Variants in PIGL observed in about 807,000 individuals in gnomAD.
The protein encoded by PIGL is phosphatidylinositol glycan anchor biosynthesis class L, also known as N-acetylglucosaminyl-phosphatidylinositol de-N-acetylase.
In PIGL, 22 loss-of-function variants were observed where a neutral mutation model predicts 31.1. The ratio of observed to expected loss-of-function variants is 0.71; its 90% confidence interval spans 0.51 to 1.01. The LOEUF (loss-of-function observed/expected upper bound fraction) is 1.01. Among genes scored for constraint, PIGL ranks in the 50% least tolerant of loss-of-function variants. The pLI, the probability that PIGL is intolerant of heterozygous loss-of-function variation, is 0.00. For synonymous variants in PIGL, 131 were observed against 117.4 expected, an observed-to-expected ratio of 1.12 and a Z score of -0.75; for missense variants, 302 against 315.9, an observed-to-expected ratio of 0.96 and a Z score of 0.33.
intron 2 of PIGL, among the ~76,000 whole-genome samples, chr17:16,247,245 G>A (rs1325291703): frequency 6.6e-6 from 1 of 152,096 alleles, no homozygotes; most frequent in Non-Finnish European, 1.5e-5. Flanking sequence ...TGAATTTGTT[G>A]AGGACACTAT....
intron 1 of PIGL, among the ~76,000 whole-genome samples, chr17:16,232,768 TAAAAAA>T (rs34414046): frequency 6.9e-6 from 1 of 144,326 alleles, no homozygotes; most frequent in Non-Finnish European, 1.5e-5. Flanking sequence ...GTTTATGACT[TAAAAAA>T]AAAAAACGCA....
chr17:16,244,582 G>A (rs1299798701), intron 2 of PIGL, among the ~76,000 whole-genome samples: 1 of 152,208 alleles, frequency 6.6e-6, no homozygotes, highest in Non-Finnish European at 1.5e-5. Flanking sequence ...CTGATAGAAA[G>A]CAATGTGCAT....
At chr17:16,321,733 C>T (rs975714945) in intron 6 of PIGL, among the ~76,000 whole-genome samples, 1 of 151,824 alleles carries the variant, frequency 6.6e-6, no homozygotes, top group Non-Finnish European at 1.5e-5. Context: ...TTCCTCCCTC[C>T]CTCCCTCTTT....
intron 2 of PIGL, among the ~76,000 whole-genome samples, chr17:16,282,504 T>G (rs115393928): frequency 6.6e-4 from 101 of 152,252 alleles, no homozygotes; most frequent in African/African-American, 2.3e-3. Flanking sequence ...GACAAAGGAA[T>G]CATTTTACCT....
intron 1 of PIGL, among the ~76,000 whole-genome samples, chr17:16,229,286 C>A (rs1165811708): frequency 5.3e-5 from 8 of 151,384 alleles, no homozygotes; most frequent in Non-Finnish European, 1.2e-4. Context: ...CAAAAAAAAA[C>A]TTCATTTCTT....
At chr17:16,244,805 G>A (rs2092737531) in intron 2 of PIGL, among the ~76,000 whole-genome samples, 1 of 152,022 alleles carries the variant, frequency 6.6e-6, no homozygotes, top group South Asian at 2.1e-4. Flanking sequence ...CTCCCGAGTA[G>A]CTGGGACTAC....
chr17:16,221,861 C>T (rs767531258), intron 1 of PIGL, among the ~76,000 whole-genome samples: 69 of 152,152 alleles, frequency 4.5e-4, no homozygotes, highest in Non-Finnish European at 8.7e-4. Context: ...CCTCGTGATT[C>T]GCCCACCTCG....
intron 1 of PIGL, among the ~76,000 whole-genome samples, chr17:16,228,030 CAAG>C (rs1426755589): frequency 6.7e-6 from 1 of 149,924 alleles, no homozygotes; most frequent in Non-Finnish European, 1.5e-5. Context: ...ACATACATAA[CAAG>C]AACTTACCAT....
rs573212959 is a variant in PIGL, at chr17:16,292,370, C to A, written c.336-7518C>A. 3.3e-5 allele frequency among the ~76,000 whole-genome samples: 5 copies of A among 149,302 alleles called. No homozygotes were observed. In the East Asian group the frequency reaches 1.0e-3, roughly 31 times the overall value. ...GTACTTATTAGTTTTTCGTTTCAGC[C>A]TATAAAATGTACAAATCTTTCTCTT... On this transcript the variant is annotated intron_variant, in intron 2 of 6. Coordinates refer to ENST00000225609, the MANE Select transcript of PIGL (RefSeq NM_004278.4).
chr17:16,266,583 G>T (rs1006447839), intron 2 of PIGL, among the ~76,000 whole-genome samples: 1 of 151,476 alleles, frequency 6.6e-6, no homozygotes, highest in African/African-American at 2.4e-5. Context: ...AAGTGGAGCT[G>T]CTCAACAGAT....
At chr17:16,265,558 T>C (rs1367476434) in intron 2 of PIGL, among the ~76,000 whole-genome samples, 1 of 151,804 alleles carries the variant, frequency 6.6e-6, no homozygotes, top group African/African-American at 2.4e-5. Context: ...CTGGCCAACA[T>C]AGTGAAACCC....
At chr17:16,235,496 G>A (rs2092695958) in intron 2 of PIGL, among the ~76,000 whole-genome samples, 1 of 141,946 alleles carries the variant, frequency 7.0e-6, no homozygotes, top group African/African-American at 2.7e-5. Context: ...GCCCAGCCTG[G>A]AGTGCAGTGG....
At chr17:16,302,439 T>G (rs1336577361) in intron 3 of PIGL, among the ~76,000 whole-genome samples, 2 of 152,102 alleles carry the variant, frequency 1.3e-5, no homozygotes, top group African/African-American at 2.4e-5. Context: ...AGAGCTGAGG[T>G]TGGAGGTTGT....
At chr17:16,258,824 A>G (rs2092808060) in intron 2 of PIGL, among the ~76,000 whole-genome samples, 1 of 152,150 alleles carries the variant, frequency 6.6e-6, no homozygotes, top group African/African-American at 2.4e-5. Context: ...TTTTTTATTA[A>G]CCAAAATGAA....
chr17:16,315,683 CT>C (rs2093072350), intron 4 of PIGL, among the ~76,000 whole-genome samples: 1 of 117,112 alleles, frequency 8.5e-6, no homozygotes, highest in East Asian at 2.4e-4. Context: ...TCAGTCTTTT[CT>C]TTTCTTTCTT....
rs146258571 is a variant in PIGL, at chr17:16,243,119, T to G, written c.335+9049T>G. ...AGGCTGGAATGCAGTGGTGCAATCT[T>G]GGCTCACAGCAACCTCCACCTCTCG... On this transcript the variant is annotated intron_variant, in intron 2 of 6. Transcript: ENST00000225609. 6.3e-3 allele frequency among the ~76,000 whole-genome samples: 959 copies of G among 152,256 alleles called. 18 individuals carry two copies. Among genetic ancestry groups the G allele is most frequent in the African/African-American group, 0.021 (891 of 41,556 alleles).
intron 2 of PIGL, among the ~76,000 whole-genome samples, chr17:16,261,230 G>A (rs2092818061): frequency 6.6e-6 from 1 of 152,060 alleles, no homozygotes. Context: ...GGAGAGCCCG[G>A]CCCAGGCTGT....
chr17:16,272,126 C>A (rs1295900703), intron 2 of PIGL, among the ~76,000 whole-genome samples: 1 of 152,194 alleles, frequency 6.6e-6, no homozygotes, highest in Non-Finnish European at 1.5e-5. Flanking sequence ...CACTATTTCC[C>A]TACTGTGAGC....
chr17:16,254,929 C>T (rs1041256756), intron 2 of PIGL, among the ~76,000 whole-genome samples: 2 of 152,150 alleles, frequency 1.3e-5, no homozygotes, highest in Admixed American at 6.5e-5. Flanking sequence ...TACTGTAGGC[C>T]GTAAGGCCCT....
Sources: gnomAD v4.1 joint callset for allele counts (sites outside exome capture counted in the v4.1 genomes callset) on GRCh38, gnomAD v4.1.1 for gene constraint, MANE v1.5 for transcripts, NCBI Gene and HGNC (gene_info 2026-07-23, HGNC 2026-07-21) for gene names.